COL6A6: variants seen among roughly 807,000 people sequenced by gnomAD.
The protein encoded by COL6A6 is collagen type VI alpha 6 chain, also known as collagen alpha-6(VI) chain.
COL6A6 carries 183 observed loss-of-function variants against 208.6 expected under a neutral mutation model. That is an observed-to-expected ratio of 0.88 (90% CI 0.78 to 0.99). COL6A6 has a LOEUF of 0.99. Ranked by LOEUF, COL6A6 falls within the 50% of genes least tolerant of loss-of-function variation. COL6A6 has a pLI of 0.00. For missense variants in COL6A6, 2,816 were observed against 2,815.2 expected, an observed-to-expected ratio of 1.00 and a Z score of -0.01; for synonymous variants, 973 against 1,011.8, an observed-to-expected ratio of 0.96 and a Z score of 0.73.
chr3:130,596,583 G>A (rs1280467948), intron 18 of COL6A6, among the ~76,000 whole-genome samples: 4 of 152,172 alleles, frequency 2.6e-5, no homozygotes, highest in Non-Finnish European at 5.9e-5. Context: ...AGGAAAGCAT[G>A]TAAATGATGC....
intron 33 of COL6A6, among the ~76,000 whole-genome samples, chr3:130,656,131 G>A (rs1385286894): frequency 6.6e-6 from 1 of 152,196 alleles, no homozygotes; most frequent in African/African-American, 2.4e-5. Context: ...CCAGAGGGCT[G>A]CAGCTCTTCT....
intron 28 of COL6A6, among the ~76,000 whole-genome samples, chr3:130,640,984 CTT>C (rs1250376706): frequency 6.6e-6 from 1 of 152,190 alleles, no homozygotes; most frequent in East Asian, 1.9e-4. Flanking sequence ...ATGCATATAA[CTT>C]TATAATAGCA....
At chr3:130,649,622 C>T (rs2065576036) in intron 33 of COL6A6, 60 bp downstream of exon 33, 1 of 1,447,330 alleles carries the variant, frequency 6.9e-7, no homozygotes, top group Non-Finnish European at 9.1e-7. Flanking sequence ...ATTCAGAAGC[C>T]CCTATACTAC....
chr3:130,670,194 C>T (rs1449166822), intron 36 of COL6A6, among the ~76,000 whole-genome samples: 1 of 152,194 alleles, frequency 6.6e-6, no homozygotes, highest in Non-Finnish European at 1.5e-5. Context: ...CAGGGCTCCC[C>T]GTGCTGCAGG....
chr3:130,654,284 C>T (rs1182656536), intron 33 of COL6A6, among the ~76,000 whole-genome samples: 1 of 148,646 alleles, frequency 6.7e-6, no homozygotes, highest in Non-Finnish European at 1.5e-5. Context: ...TCTTCTAGAT[C>T]AAATGTTCCA....
intron 1 of COL6A6, among the ~76,000 whole-genome samples, chr3:130,529,600 C>A (rs1335917668): frequency 6.6e-6 from 1 of 152,176 alleles, no homozygotes; most frequent in Admixed American, 6.5e-5. Context: ...TGCCTCACCT[C>A]ATTACAATCA....
intron 23 of COL6A6, among the ~76,000 whole-genome samples, chr3:130,611,241 C>T (rs2064349655): frequency 6.6e-6 from 1 of 151,780 alleles, no homozygotes; most frequent in Non-Finnish European, 1.5e-5. Flanking sequence ...ATTCACAGTG[C>T]AGAAGAATCC....
chr3:130,536,800 A>C (rs2062235539), intron 1 of COL6A6, among the ~76,000 whole-genome samples: 1 of 152,222 alleles, frequency 6.6e-6, no homozygotes, highest in Non-Finnish European at 1.5e-5. Context: ...GTAGATGTGA[A>C]ACTATCTCAT....
chr3:130,590,014 G>C (rs918000138), intron 12 of COL6A6: 4 of 449,046 alleles, frequency 8.9e-6, no homozygotes, highest in African/African-American at 2.0e-5. Context: ...AAAAAACAAG[G>C]CTCAGAAAGA....
intron 20 of COL6A6, among the ~76,000 whole-genome samples, chr3:130,602,012 A>G (rs555943388): frequency 2.0e-5 from 3 of 152,316 alleles, no homozygotes; most frequent in Admixed American, 6.5e-5. Flanking sequence ...TGGAGCAGGG[A>G]ATATACACAT....
chr3:130,627,703 T>C (rs1418327800), intron 26 of COL6A6, among the ~76,000 whole-genome samples: 2 of 152,168 alleles, frequency 1.3e-5, no homozygotes, highest in African/African-American at 2.4e-5. Context: ...CCAAAATCAG[T>C]CCTCTTATTA....
At position 130,568,351 on chromosome 3, in the gene COL6A6, G is replaced by C; in HGVS notation, c.2148G>C (p.Lys716Asn). Reference sequence around the variant, plus strand: ...TGTCTCAGTACTTCAGCCCCACCAAGGGCGCCCGGCCCAACATCAGAAAGT... The same window carrying C: ...TGTCTCAGTACTTCAGCCCCACCAACGGCGCCCGGCCCAACATCAGAAAGT... Reference protein sequence around the residue: ...SFVSQYFSPTKGARPNIRKFL... With the variant: ...SFVSQYFSPTNGARPNIRKFL... The change falls in exon 6 of 37, where the codon AAG (lysine) becomes AAC (asparagine). Residue 716 changes from lysine (K) to asparagine (N), a missense_variant. Physicochemically the swap from Lys to Asn is moderately conservative, Grantham distance 94 (BLOSUM62 0). Coordinates refer to ENST00000358511, the MANE Select transcript of COL6A6 (RefSeq NM_001102608.3). 1 of 1,613,998 alleles carries C rather than the reference G, an allele frequency of 6.2e-7. No individual in the cohort carries two copies. Among genetic ancestry groups the C allele is most frequent in the Non-Finnish European group, 8.5e-7 (1 of 1,179,902 alleles).
chr3:130,598,497 G>A (rs4336088), intron 19 of COL6A6, 67 bp downstream of exon 19: 1,098,207 of 1,098,428 alleles, frequency 1, 548,995 homozygotes, highest in Middle Eastern at 1. Context: ...TTGGTAGAAT[G>A]TGAAATGCTT....
At chr3:130,639,538 C>A (rs1245727894) in intron 28 of COL6A6, among the ~76,000 whole-genome samples, 2 of 152,018 alleles carry the variant, frequency 1.3e-5, no homozygotes, top group Non-Finnish European at 2.9e-5. Flanking sequence ...ACAAAAAATA[C>A]AAAAATTAGC....
intron 36 of COL6A6, among the ~76,000 whole-genome samples, chr3:130,673,169 ACT>A (rs1295497677): frequency 1.4e-5 from 2 of 143,628 alleles, no homozygotes; most frequent in Admixed American, 1.5e-4. Flanking sequence ...ACAGAGCAAG[ACT>A]CTATCTCAAA....
At position 130,526,608 on chromosome 3, in the gene COL6A6, G is replaced by T. The variant is rs534527555; in HGVS notation, c.-32+9211G>T. The stretch of plus-strand genomic sequence containing the variant: ...AGTAGTTCCGCCAAGAAGTGATGGT[G>T]GCAGTGATGTGGTTTGCAGCTGGTG... On this transcript the variant is annotated intron_variant, in intron 1 of 36. Transcript: ENST00000358511. Among the ~76,000 whole-genome samples the T allele has an allele frequency of 1.6e-4, 24 of 152,298 alleles. No individual in the cohort carries two copies. In the South Asian group the frequency reaches 4.8e-3, roughly 30 times the overall value.
At chr3:130,556,976 A>G (rs539284430) in intron 1 of COL6A6, among the ~76,000 whole-genome samples, 31 of 152,240 alleles carry the variant, frequency 2.0e-4, no homozygotes, top group African/African-American at 7.5e-4. Context: ...TCATATTTTT[A>G]TTTATTTTAC....
chr3:130,641,154 G>A (rs750585234), intron 28 of COL6A6, among the ~76,000 whole-genome samples: 7 of 151,224 alleles, frequency 4.6e-5, no homozygotes, highest in South Asian at 4.2e-4. Context: ...CTGGTGGGTG[G>A]GGGTCCTATT....
intron 8 of COL6A6, among the ~76,000 whole-genome samples, chr3:130,576,629 G>GT (rs1198723517): frequency 6.6e-6 from 1 of 150,732 alleles, no homozygotes; most frequent in African/African-American, 2.4e-5. Flanking sequence ...TGAACTCCAA[G>GT]TAAGTAATGA....
Sources: gnomAD v4.1 joint callset for allele counts (sites outside exome capture counted in the v4.1 genomes callset) on GRCh38, gnomAD v4.1.1 for gene constraint, MANE v1.5 for transcripts, NCBI Gene and HGNC (gene_info 2026-07-23, HGNC 2026-07-21) for gene names.